GRAMD1C: variants seen among roughly 807,000 people sequenced by gnomAD.
GRAMD1C encodes the protein protein Aster-C.
Under a neutral mutation model 97.8 loss-of-function variants are expected in GRAMD1C, and 89 were observed. That is an observed-to-expected ratio of 0.91 (90% CI 0.77 to 1.09). The LOEUF is 1.09. Among genes scored for constraint, GRAMD1C ranks in the 50% least tolerant of loss-of-function variants. GRAMD1C has a pLI of 0.00. For synonymous variants in GRAMD1C, 256 were observed against 267.0 expected (o/e 0.96, Z 0.40); for missense variants, 740 against 766.4 (o/e 0.97, Z 0.41).
chr3:113,946,882 G>A lies in GRAMD1C; in HGVS notation c.*1404G>A, dbSNP rs889512214. ...ACGAAGCATACCTAGGGGTAACAGT[G>A]AACCTACCTGGGTTTGTTTTGTTTT... On this transcript the variant is annotated 3_prime_UTR_variant, in exon 18 of 18. Transcript: ENST00000358160. 2 of 152,190 alleles carry A rather than the reference G, an allele frequency of 1.3e-5. No homozygotes were observed. 9.4% of individuals were successfully genotyped at this position (152,190 alleles called of 1,614,324 possible).
intron 2 of GRAMD1C, among the ~76,000 whole-genome samples, chr3:113,865,232 A>T (rs1022582589): frequency 5.1e-4 from 78 of 152,228 alleles, no homozygotes; most frequent in African/African-American, 1.8e-3. Context: ...TAAGCCCTTC[A>T]TGAGGGATCC....
intron 10 of GRAMD1C, among the ~76,000 whole-genome samples, chr3:113,922,522 T>C (rs1194768787): frequency 5.9e-5 from 9 of 152,262 alleles, no homozygotes; most frequent in Admixed American, 5.9e-4. Context: ...GCACCATTTA[T>C]TGAATAGGGA....
At chr3:113,870,372 C>T (rs1934751325) in intron 3 of GRAMD1C, among the ~76,000 whole-genome samples, 1 of 150,086 alleles carries the variant, frequency 6.7e-6, no homozygotes, top group African/African-American at 2.4e-5. Context: ...ACCCCCAAAC[C>T]CCCGCTCAAA....
chr3:113,915,700 G>T lies in GRAMD1C; in HGVS notation c.953-1G>T. 2 of 1,605,856 alleles carry T rather than the reference G, an allele frequency of 1.2e-6. No individual in the cohort carries two copies. Among genetic ancestry groups the T allele is most frequent in the Non-Finnish European group, 1.7e-6 (2 of 1,175,746 alleles). On this transcript the variant is annotated splice_acceptor_variant, in intron 9 of 17. Coordinates refer to ENST00000358160, the MANE Select transcript of GRAMD1C (RefSeq NM_017577.5). LOFTEE classifies it high-confidence loss of function. Reference sequence around the variant, plus strand: ...TTTGGTTTGTGTTTCTGTTTTTCCAGAAAATGTTCCTGAGAAAGATCTTCA... The same window carrying T: ...TTTGGTTTGTGTTTCTGTTTTTCCATAAAATGTTCCTGAGAAAGATCTTCA...
Position 113,844,455 on chromosome 3 carries a change from T to C in GRAMD1C, c.28-48T>C, listed in dbSNP as rs748380915. On this transcript the variant is annotated intron_variant, in intron 1 of 17. Transcript: ENST00000358160. ...AACATTAACTTTTTTCTTTTTAAAA[T>C]GGCCATTTCTCAATAAATAATTGAC... The C allele has an allele frequency of 3.1e-6, 4 of 1,298,492 alleles. No individual in the cohort carries two copies. The East Asian group carries it at 7.0e-5, about 23-fold the overall frequency. 80.4% of individuals were successfully genotyped at this position (1,298,492 alleles called of 1,614,324 possible).
intron 2 of GRAMD1C, among the ~76,000 whole-genome samples, chr3:113,851,757 A>G (rs1400051416): frequency 3.9e-5 from 6 of 152,140 alleles, no homozygotes; most frequent in Non-Finnish European, 8.8e-5. Context: ...ACCTCAGGTG[A>G]TCCATCCACC....
intron 6 of GRAMD1C, among the ~76,000 whole-genome samples, chr3:113,891,191 A>G (rs1421712784): frequency 1.3e-5 from 2 of 152,228 alleles, no homozygotes; most frequent in Non-Finnish European, 2.9e-5. Flanking sequence ...TTAAGCATAT[A>G]TTATGTGTAA....
In GRAMD1C at chr3:113,881,126, G is replaced by T. The variant is rs143986033; in HGVS notation, c.460-1626G>T. 6.0e-3 allele frequency among the ~76,000 whole-genome samples: 914 copies of T among 152,160 alleles called. 8 individuals carry two copies. Among genetic ancestry groups the T allele is most frequent in the Middle Eastern group, 0.01 (3 of 294 alleles). The stretch of plus-strand genomic sequence containing the variant: ...CCAAACTCATAAGAAGGCTATTATT[G>T]AATCAAGATTAATTTAATTTAATTT... On this transcript the variant is annotated intron_variant, in intron 5 of 17. Coordinates refer to ENST00000358160, the MANE Select transcript of GRAMD1C (RefSeq NM_017577.5).
intron 6 of GRAMD1C, among the ~76,000 whole-genome samples, chr3:113,891,896 A>T (rs1328695801): frequency 1.3e-5 from 2 of 151,204 alleles, no homozygotes; most frequent in East Asian, 3.9e-4. Flanking sequence ...CAAAAAAAAA[A>T]AATTAAGTTC....
intron 1 of GRAMD1C, among the ~76,000 whole-genome samples, chr3:113,841,065 A>C (rs921159097): frequency 6.6e-6 from 1 of 152,176 alleles, no homozygotes; most frequent in Non-Finnish European, 1.5e-5. Context: ...TATTAGCCAA[A>C]TCTATCACAG....
Position 113,890,970 on chromosome 3 carries a change from C to T in GRAMD1C, c.540+8138C>T, listed in dbSNP as rs1935702232. On this transcript the variant is annotated intron_variant, in intron 6 of 17. Coordinates refer to ENST00000358160, the MANE Select transcript of GRAMD1C (RefSeq NM_017577.5). ...ATTTACTGGCTGGAAGTAAAATTTA[C>T]CCTTCTTTGAAAAGATCCTGATATT... The T allele has an allele frequency of 8.0e-6, 4 of 501,982 alleles. No individual in the cohort carries two copies. In the South Asian group the frequency reaches 1.5e-4, roughly 18 times the overall value. 31.1% of individuals were successfully genotyped at this position (501,982 alleles called of 1,614,324 possible).
upstream of GRAMD1C, among the ~76,000 whole-genome samples, chr3:113,834,563 T>C (rs1043718597): frequency 6.6e-6 from 1 of 152,160 alleles, no homozygotes; most frequent in Non-Finnish European, 1.5e-5. Context: ...TTTGTCAAAC[T>C]AGTAAGTGAA....
intron 5 of GRAMD1C, among the ~76,000 whole-genome samples, chr3:113,879,129 CG>C: frequency 6.6e-6 from 1 of 151,230 alleles, no homozygotes; most frequent in South Asian, 2.1e-4. Context: ...CGCTTGAACC[CG>C]GGGGGTGGAG....
At chr3:113,846,542 AG>A (rs1354754652) in intron 2 of GRAMD1C, among the ~76,000 whole-genome samples, 8 of 152,294 alleles carry the variant, frequency 5.3e-5, no homozygotes, top group Middle Eastern at 3.4e-3. Context: ...ATGCAAGAAA[AG>A]GAAAAAGCAA....
chr3:113,859,423 T>G (rs1221799614), intron 2 of GRAMD1C, among the ~76,000 whole-genome samples: 8 of 152,218 alleles, frequency 5.3e-5, no homozygotes, highest in Non-Finnish European at 1.0e-4. Context: ...ATTTCTAGTT[T>G]GATTTCATTA....
intron 8 of GRAMD1C, among the ~76,000 whole-genome samples, chr3:113,908,730 C>A (rs1936455473): frequency 6.6e-6 from 1 of 152,030 alleles, no homozygotes; most frequent in South Asian, 2.1e-4. Flanking sequence ...TTTTCATAAA[C>A]TTGTTTATTA....
chr3:113,940,080 G>C, intron 16 of GRAMD1C, 84 bp downstream of exon 16: 2 of 911,252 alleles, frequency 2.2e-6, no homozygotes, highest in East Asian at 2.4e-5. Context: ...CAGTTTCAGA[G>C]ACTGTGGTCT....
intron 1 of GRAMD1C, among the ~76,000 whole-genome samples, chr3:113,833,132 T>G (rs1426259487): frequency 0.017 from 2,587 of 149,628 alleles, 81 homozygotes; most frequent in African/African-American, 0.058. Flanking sequence ...TTTTTTTTTT[T>G]TTTGTGTGTG....
intron 7 of GRAMD1C, 120 bp from the exon 8 acceptor site, chr3:113,904,020 T>A: frequency 1.5e-6 from 1 of 645,848 alleles, no homozygotes; most frequent in Non-Finnish European, 2.7e-6. Context: ...ATTTGCTATA[T>A]TACAGTAGTC....
Sources: allele counts gnomAD v4.1 joint callset (sites outside exome capture counted in the v4.1 genomes callset), GRCh38; gene constraint gnomAD v4.1.1; transcripts MANE v1.5; gene names NCBI Gene and HGNC (gene_info 2026-07-23, HGNC 2026-07-21).